The following GPC5 variants were observed in gnomAD, a reference collection of about 807,000 sequenced individuals.
The protein encoded by GPC5 is glypican 5, also known as glypican-5.
A neutral mutation model predicts 53.9 loss-of-function variants in GPC5; 47 were observed. That is an observed-to-expected ratio of 0.87 (90% CI 0.69 to 1.11). The LOEUF is 1.11. Ranked by LOEUF, GPC5 falls within the 50% of genes most tolerant of loss-of-function variation. The pLI is 0.00. For missense variants in GPC5, 748 were observed against 713.1 expected, an observed-to-expected ratio of 1.05 and a Z score of -0.56; for synonymous variants, 286 against 263.3, an observed-to-expected ratio of 1.09 and a Z score of -0.84.
intron 6 of GPC5, among the ~76,000 whole-genome samples, chr13:92,070,871 G>A (rs1208444349): frequency 6.6e-6 from 1 of 151,902 alleles, no homozygotes; most frequent in Non-Finnish European, 1.5e-5. Flanking sequence ...CACATATCTT[G>A]CAAAATTTTG....
intron 2 of GPC5, among the ~76,000 whole-genome samples, chr13:91,544,117 A>C (rs1186056758): frequency 6.6e-6 from 1 of 152,184 alleles, no homozygotes; most frequent in Non-Finnish European, 1.5e-5. Context: ...TGGTTAAAAA[A>C]AAAAGACATT....
chr13:92,676,320 C>T (rs1160505936), intron 7 of GPC5, among the ~76,000 whole-genome samples: 1 of 152,070 alleles, frequency 6.6e-6, no homozygotes, highest in Non-Finnish European at 1.5e-5. Flanking sequence ...GAATATACTA[C>T]TCAGATATTT....
intron 5 of GPC5, among the ~76,000 whole-genome samples, chr13:91,903,390 G>A (rs2039519200): frequency 6.6e-6 from 1 of 152,024 alleles, no homozygotes; most frequent in Non-Finnish European, 1.5e-5. Context: ...ATATTGTTGG[G>A]TATATGCCCA....
intron 2 of GPC5, among the ~76,000 whole-genome samples, chr13:91,665,525 C>T (rs151217774): frequency 0.014 from 1,312 of 93,474 alleles, 20 homozygotes; most frequent in African/African-American, 0.09. Context: ...TCTTTTGAGA[C>T]GGAGTCTCGC....
intron 5 of GPC5, among the ~76,000 whole-genome samples, chr13:91,872,747 A>T (rs1176974363): frequency 6.6e-6 from 1 of 152,178 alleles, no homozygotes; most frequent in Non-Finnish European, 1.5e-5. Flanking sequence ...AACTTGATAC[A>T]TTTGCATATT....
At chr13:92,224,933 T>C (rs2042474149) in intron 7 of GPC5, among the ~76,000 whole-genome samples, 1 of 152,192 alleles carries the variant, frequency 6.6e-6, no homozygotes, top group African/African-American at 2.4e-5. Flanking sequence ...TACAGCTGTA[T>C]ACTGAGTCCT....
chr13:92,568,008 A>C (rs191024580), intron 7 of GPC5, among the ~76,000 whole-genome samples: 1 of 152,290 alleles, frequency 6.6e-6, no homozygotes, highest in Admixed American at 6.5e-5. Flanking sequence ...AATAGAGACT[A>C]ACAGAATATT....
intron 7 of GPC5, among the ~76,000 whole-genome samples, chr13:92,327,737 T>A (rs1201089462): frequency 6.6e-6 from 1 of 152,150 alleles, no homozygotes; most frequent in Non-Finnish European, 1.5e-5. Flanking sequence ...CCCAATTTCT[T>A]TTACAACGAA....
At chr13:92,809,254 G>A (rs973922554) in intron 7 of GPC5, among the ~76,000 whole-genome samples, 1 of 152,106 alleles carries the variant, frequency 6.6e-6, no homozygotes, top group African/African-American at 2.4e-5. Flanking sequence ...TGTTTTTAAT[G>A]TAACTGAGTT....
chr13:92,524,919 G>A (rs1881215055), intron 7 of GPC5, among the ~76,000 whole-genome samples: 1 of 152,088 alleles, frequency 6.6e-6, no homozygotes, highest in East Asian at 1.9e-4. Flanking sequence ...AACATTGTAA[G>A]CCTTTTAAAG....
chr13:91,758,809 T>G (rs1335851996), intron 5 of GPC5, among the ~76,000 whole-genome samples: 1 of 152,152 alleles, frequency 6.6e-6, no homozygotes, highest in East Asian at 1.9e-4. Flanking sequence ...GACTCCAGTC[T>G]TTCGTGAACA....
chr13:92,509,168 C>G (rs1158449827), intron 7 of GPC5, among the ~76,000 whole-genome samples: 4 of 152,092 alleles, frequency 2.6e-5, no homozygotes, highest in Non-Finnish European at 5.9e-5. Flanking sequence ...ATGATTTACC[C>G]CTGCCTCAAA....
intron 6 of GPC5, among the ~76,000 whole-genome samples, chr13:92,102,530 A>T (rs6492584): frequency 9.9e-5 from 15 of 151,992 alleles, no homozygotes; most frequent in East Asian, 3.9e-4. Flanking sequence ...GTTTCTCCTA[A>T]GATATAAGCC....
At chr13:91,555,719 G>A (rs2030909023) in intron 2 of GPC5, among the ~76,000 whole-genome samples, 1 of 151,966 alleles carries the variant, frequency 6.6e-6, no homozygotes, top group Non-Finnish European at 1.5e-5. Context: ...CATGTGGCTG[G>A]GGAGGCCTCA....
At position 92,447,754 on chromosome 13, in the gene GPC5, C is replaced by T. The variant is rs549346986; in HGVS notation, c.1561+302765C>T. 2.0e-5 allele frequency: 3 copies of T among 152,020 alleles called. No individual in the cohort carries two copies. The South Asian group carries it at 6.2e-4, about 32-fold the overall frequency. The allele number at this position is 152,020 out of a possible 1,614,324, so 9.4% of individuals were successfully genotyped here. A position where few individuals can be genotyped will look rare whatever the true frequency, so the allele number is the denominator to read the frequency against. On this transcript the variant is annotated intron_variant, in intron 7 of 7. Transcript: ENST00000377067. ...AAATTTAACAAATGACCTCTGATTACCAGGAAAAAAAGGCCACCTTGCAGG... is the reference window on the plus strand; with the variant it reads ...AAATTTAACAAATGACCTCTGATTATCAGGAAAAAAAGGCCACCTTGCAGG...
intron 6 of GPC5, among the ~76,000 whole-genome samples, chr13:91,914,622 G>T (rs569194750): frequency 2.5e-3 from 383 of 151,704 alleles, no homozygotes; most frequent in Non-Finnish European, 4.4e-3. Flanking sequence ...AGTAGAAAAA[G>T]GCTGTGCTAA....
chr13:92,553,832 G>A (rs1213184693), intron 7 of GPC5, among the ~76,000 whole-genome samples: 2 of 151,878 alleles, frequency 1.3e-5, no homozygotes, highest in Non-Finnish European at 2.9e-5. Context: ...AGAATCCACA[G>A]GAATTCCTCA....
intron 2 of GPC5, among the ~76,000 whole-genome samples, chr13:91,600,945 A>AG (rs1473376961): frequency 5.9e-5 from 9 of 152,174 alleles, no homozygotes; most frequent in African/African-American, 1.9e-4. Flanking sequence ...ACATAAAAGA[A>AG]GGGGTGACAT....
intron 6 of GPC5, among the ~76,000 whole-genome samples, chr13:91,911,077 A>G (rs1039703250): frequency 7.2e-5 from 11 of 152,174 alleles, no homozygotes; most frequent in Non-Finnish European, 1.3e-4. Context: ...GTAGGCGCAA[A>G]GGTCTTGTGG....
Sources: gnomAD v4.1 joint callset for allele counts (sites outside exome capture counted in the v4.1 genomes callset) on GRCh38, gnomAD v4.1.1 for gene constraint, MANE v1.5 for transcripts, NCBI Gene and HGNC (gene_info 2026-07-23, HGNC 2026-07-21) for gene names.